The following BLK variants were observed in gnomAD, a reference collection of about 807,000 sequenced individuals.
The protein encoded by BLK is BLK proto-oncogene, Src family tyrosine kinase, also known as tyrosine-protein kinase Blk.
Under a neutral mutation model 61.8 loss-of-function variants are expected in BLK, and 64 were observed. The observed-to-expected ratio is 1.03, with a 90% CI of 0.85 to 1.27. The LOEUF is 1.27. BLK is among the 50% of genes most tolerant of loss of function. The pLI is 0.00. For synonymous variants in BLK, 351 were observed against 272.0 expected (o/e 1.29, Z -2.86); for missense variants, 853 against 660.5 (o/e 1.29, Z -3.19).
At chr8:11,524,552 A>T (rs144701254) in intron 1 of BLK, among the ~76,000 whole-genome samples, 18 of 152,356 alleles carry the variant, frequency 1.2e-4, no homozygotes, top group African/African-American at 4.3e-4. Flanking sequence ...CTGAAGGACA[A>T]TTTGCCAAAA....
chr8:11,546,284 G>A (rs189954778), intron 3 of BLK, among the ~76,000 whole-genome samples, 181 bp downstream of exon 3: 1 of 152,322 alleles, frequency 6.6e-6, no homozygotes, highest in East Asian at 1.9e-4. Context: ...CCAAGAACAA[G>A]TTTCTTCAGT....
intron 1 of BLK, among the ~76,000 whole-genome samples, chr8:11,523,223 A>C (rs1205942513): frequency 6.6e-6 from 1 of 152,226 alleles, no homozygotes; most frequent in Non-Finnish European, 1.5e-5. Flanking sequence ...GATAGCTTTT[A>C]CTGCATAATA....
intron 1 of BLK, among the ~76,000 whole-genome samples, chr8:11,541,830 C>T (rs1485236181): frequency 1.3e-5 from 2 of 152,132 alleles, no homozygotes; most frequent in African/African-American, 4.8e-5. Flanking sequence ...ACTTCTGAAA[C>T]CCTAAATCTC....
chr8:11,543,237 A>T lies in BLK; in HGVS notation c.13A>T (p.Ser5Cys). The T allele has an allele frequency of 6.2e-7, 1 of 1,613,998 alleles. No individual in the cohort carries two copies. The highest frequency in any genetic ancestry group is 8.5e-7 in the Non-Finnish European group (1 of 1,180,016). MGLV[S>C]SKKPDKEKPI... ...TGTCTCCGACAGGATGGGGCTGGTAAGTAGCAAAAAGCCGGACAAGGAAAA... is the reference window on the plus strand; with the variant it reads ...TGTCTCCGACAGGATGGGGCTGGTATGTAGCAAAAAGCCGGACAAGGAAAA... Residue 5 changes from serine (S) to cysteine (C), a missense_variant, in exon 2 of 13, where the codon AGT becomes TGT. Ser to Cys is a moderately radical substitution (Grantham distance 112). Transcript: ENST00000259089.
intron 1 of BLK, among the ~76,000 whole-genome samples, chr8:11,521,471 TG>T (rs1799443863): frequency 6.6e-6 from 1 of 152,134 alleles, no homozygotes; most frequent in African/African-American, 2.4e-5. Context: ...TTCTAATTTT[TG>T]TAGAGGTGAG....
At chr8:11,548,769 G>A (rs1000316816) in intron 4 of BLK, among the ~76,000 whole-genome samples, 24 of 152,238 alleles carry the variant, frequency 1.6e-4, no homozygotes, top group African/African-American at 5.8e-4. Flanking sequence ...TTCATCAAGA[G>A]GAAGGCTGCT....
rs760755773 is a variant in BLK at position 11,556,724 on chromosome 8, C to A, written c.839C>A (p.Ala280Asp). ...AAGGAGGGAACCATGTCTCCAGAAG[C>A]CTTTCTGGGTGAGGCCAACGTGATG... ...TLKEGTMSPE[A>D]FLGEANVMKA... Residue 280 changes from alanine (A) to aspartate (D), a missense_variant, in exon 9 of 13, where the codon GCC becomes GAC. Ala to Asp is a moderately radical substitution (Grantham distance 126). Coordinates refer to ENST00000259089, the MANE Select transcript of BLK (RefSeq NM_001715.3). The A allele has an allele frequency of 3.1e-6, 5 of 1,614,048 alleles. No individual in the cohort carries two copies. Among genetic ancestry groups the A allele is most frequent in the East Asian group, 2.2e-5 (1 of 44,884 alleles).
At position 11,555,351 on chromosome 8, in the gene BLK, C is replaced by T. The variant is rs779263158; in HGVS notation, c.639C>T (p.Cys213=). The T allele has an allele frequency of 1.1e-5, 17 of 1,614,082 alleles. No homozygotes were observed. In the Middle Eastern group the frequency reaches 1.6e-3, roughly 157 times the overall value. ...ATGCAGAGAAGGGGGATGGTCTATG[C>T]CAGAGGCTGACCCTGCCCTGTGTGC... ...QHYSKKGDGL[C]QRLTLPCVRP... Residue 213 remains cysteine (C), a synonymous_variant, in exon 8 of 13, where the codon TGC becomes TGT. Coordinates refer to ENST00000259089, the MANE Select transcript of BLK (RefSeq NM_001715.3).
At chr8:11,494,849 T>C (rs966394644) in intron 1 of BLK, among the ~76,000 whole-genome samples, 2 of 152,238 alleles carry the variant, frequency 1.3e-5, no homozygotes, top group African/African-American at 4.8e-5. Context: ...GCAGTGAATG[T>C]GCCACAGAGG....
At chr8:11,541,888 T>A (rs971699860) in intron 1 of BLK, among the ~76,000 whole-genome samples, 2 of 152,202 alleles carry the variant, frequency 1.3e-5, no homozygotes, top group African/African-American at 4.8e-5. Flanking sequence ...ATTCACTTAG[T>A]GGTAAAGCTG....
chr8:11,520,862 CT>C (rs1563436050), intron 1 of BLK, among the ~76,000 whole-genome samples: 2 of 152,024 alleles, frequency 1.3e-5, no homozygotes, highest in Non-Finnish European at 2.9e-5. Context: ...CAATAGCTTT[CT>C]TTTTTTCAAC....
rs964072826 is a variant in BLK at position 11,556,851 on chromosome 8, C to A, written c.952+14C>A. ...ACATGGCCAGAGGTGGTGCCCCCCG[C>A]AGAGCCGCATCCTCAGAGCGAGGCG... On this transcript the variant is annotated intron_variant, in intron 9 of 12. Transcript: ENST00000259089. 1.2e-6 allele frequency: 2 copies of A among 1,613,060 alleles called. No homozygotes were observed. The highest frequency in any genetic ancestry group is 2.7e-5 in the African/African-American group (2 of 74,898).
In BLK at chr8:11,564,358, C is replaced by T. The variant is rs1398845172; in HGVS notation, c.*250C>T. 3 of 691,806 alleles carry T rather than the reference C, an allele frequency of 4.3e-6. No homozygotes were observed. The highest frequency in any genetic ancestry group is 7.9e-6 in the Non-Finnish European group (3 of 378,938). 42.9% of individuals were successfully genotyped at this position (691,806 alleles called of 1,614,324 possible). ...GGCTGTAACAGTGACCTCGCACGGT[C>T]ATCCGGAGTACTAAGCCCCAGTAAG... On this transcript the variant is annotated 3_prime_UTR_variant, in exon 13 of 13. Coordinates refer to ENST00000259089, the MANE Select transcript of BLK (RefSeq NM_001715.3).
At chr8:11,528,544 T>G (rs1191287026) in intron 1 of BLK, among the ~76,000 whole-genome samples, 1 of 152,050 alleles carries the variant, frequency 6.6e-6, no homozygotes, top group Non-Finnish European at 1.5e-5. Context: ...CCTGAGGTGT[T>G]AGCTACGGAG....
intron 1 of BLK, among the ~76,000 whole-genome samples, chr8:11,534,533 C>T (rs530106876): frequency 6.6e-6 from 1 of 152,272 alleles, no homozygotes; most frequent in Admixed American, 6.5e-5. Context: ...TTTGACTTAA[C>T]ACAGCTTTAT....
chr8:11,555,993 G>A (rs1046860554), intron 8 of BLK: 37 of 284,724 alleles, frequency 1.3e-4, no homozygotes, highest in East Asian at 7.0e-4. Context: ...TATAAAACTC[G>A]TGTTCCGTTT....
chr8:11,559,918 G>A (rs922527197), intron 10 of BLK: 1 of 444,944 alleles, frequency 2.2e-6, no homozygotes, highest in South Asian at 1.6e-5. Context: ...GCAGATCTGG[G>A]CAGCTTCTTC....
At chr8:11,518,682 G>A (rs1799320716) in intron 1 of BLK, among the ~76,000 whole-genome samples, 2 of 152,050 alleles carry the variant, frequency 1.3e-5, no homozygotes, top group African/African-American at 2.4e-5. Context: ...CCCTTTAAAG[G>A]TAAGTCAGCT....
intron 1 of BLK, among the ~76,000 whole-genome samples, chr8:11,494,928 G>A (rs1023276549): frequency 1.3e-5 from 2 of 152,368 alleles, no homozygotes; most frequent in East Asian, 1.9e-4. Context: ...CGCTCCCGGC[G>A]AGTCACTCGG....
Sources: gnomAD v4.1 joint callset for allele counts (sites outside exome capture counted in the v4.1 genomes callset) on GRCh38, gnomAD v4.1.1 for gene constraint, MANE v1.5 for transcripts, NCBI Gene and HGNC (gene_info 2026-07-23, HGNC 2026-07-21) for gene names.